Variants in PDSS2 observed in about 807,000 individuals in gnomAD.
PDSS2 encodes the protein decaprenyl diphosphate synthase subunit 2.
Under a neutral mutation model 44.5 loss-of-function variants are expected in PDSS2, and 31 were observed. The observed-to-expected ratio is 0.70, with a 90% CI of 0.52 to 0.94. The LOEUF is 0.94. Among genes scored for constraint, PDSS2 ranks in the 40% least tolerant of loss-of-function variants. The pLI is 0.00. For synonymous variants in PDSS2, 157 were observed against 180.3 expected (o/e 0.87, Z 1.03); for missense variants, 452 against 482.2 (o/e 0.94, Z 0.59).
intron 2 of PDSS2, among the ~76,000 whole-genome samples, chr6:107,319,054 CTCAG>C (rs1482589803): frequency 5.9e-5 from 9 of 151,800 alleles, no homozygotes; most frequent in South Asian, 4.2e-4. Flanking sequence ...TACACACACA[CTCAG>C]TATCTGATTA....
chr6:107,209,092 G>A (rs1447723604), intron 6 of PDSS2, among the ~76,000 whole-genome samples: 2 of 151,756 alleles, frequency 1.3e-5, no homozygotes, highest in Admixed American at 6.6e-5. Flanking sequence ...TTATACCATG[G>A]ATTTAATATC....
At chr6:107,426,008 C>A in intron 1 of PDSS2, among the ~76,000 whole-genome samples, 1 of 151,778 alleles carries the variant, frequency 6.6e-6, no homozygotes, top group Non-Finnish European at 1.5e-5. Flanking sequence ...GAAATTCAAG[C>A]TGCAGAAATT....
chr6:107,295,259 C>T (rs2115038123), intron 2 of PDSS2, among the ~76,000 whole-genome samples: 1 of 152,286 alleles, frequency 6.6e-6, no homozygotes, highest in Non-Finnish European at 1.5e-5. Context: ...ATCTGTTATA[C>T]TGTGGACTCC....
At chr6:107,289,015 C>T (rs1776255089) in intron 2 of PDSS2, among the ~76,000 whole-genome samples, 1 of 150,498 alleles carries the variant, frequency 6.6e-6, no homozygotes, top group Non-Finnish European at 1.5e-5. Flanking sequence ...GATCCGCCCA[C>T]CTCGGCCTCC....
At chr6:107,185,409 A>C (rs1215393628) in intron 7 of PDSS2, among the ~76,000 whole-genome samples, 1 of 152,134 alleles carries the variant, frequency 6.6e-6, no homozygotes, top group East Asian at 1.9e-4. Flanking sequence ...AACTGGGAAA[A>C]AGTCTGTGTC....
At chr6:107,378,752 C>A (rs530676173) in intron 1 of PDSS2, among the ~76,000 whole-genome samples, 1 of 152,316 alleles carries the variant, frequency 6.6e-6, no homozygotes, top group South Asian at 2.1e-4. Context: ...CACCACCGCA[C>A]TCCAGCCTGG....
In PDSS2 at chr6:107,239,634, C is replaced by CTTTTTT. The variant is rs1177940710; in HGVS notation, c.702+5908_702+5913dup. The stretch of plus-strand genomic sequence containing the variant: ...ATTATTTAATAAACATGTACTCTAC[C>CTTTTTT]TTTTTTTTTTTTTTTTTTTTTTTTT... On this transcript the variant is annotated intron_variant, in intron 4 of 7. Coordinates refer to ENST00000369037, the MANE Select transcript of PDSS2 (RefSeq NM_020381.4). Among the ~76,000 whole-genome samples, 44 of 76,932 alleles carry CTTTTTT rather than the reference C, an allele frequency of 5.7e-4. 1 individual carries two copies. Among genetic ancestry groups the CTTTTTT allele is most frequent in the Non-Finnish European group, 6.9e-4 (30 of 43,240 alleles). 50.5% of individuals were successfully genotyped at this position (76,932 alleles called of 152,430 possible).
chr6:107,428,494 G>C (rs766870546), intron 1 of PDSS2, among the ~76,000 whole-genome samples: 3 of 152,132 alleles, frequency 2.0e-5, no homozygotes, highest in Non-Finnish European at 4.4e-5. Context: ...CTTATTGAAG[G>C]CTTTCTGTAT....
chr6:107,309,255 G>A (rs972835552), intron 2 of PDSS2, among the ~76,000 whole-genome samples: 4 of 152,146 alleles, frequency 2.6e-5, no homozygotes, highest in South Asian at 2.1e-4. Context: ...TGAGCACAAT[G>A]CCCTGCTGTG....
intron 7 of PDSS2, among the ~76,000 whole-genome samples, chr6:107,191,134 G>A (rs1191901596): frequency 6.6e-6 from 1 of 152,042 alleles, no homozygotes; most frequent in South Asian, 2.1e-4. Flanking sequence ...TTCGTGATCC[G>A]CCCGCCTCCA....
chr6:107,424,143 G>A (rs1398966101), intron 1 of PDSS2, among the ~76,000 whole-genome samples: 1 of 145,350 alleles, frequency 6.9e-6, no homozygotes, highest in Non-Finnish European at 1.5e-5. Flanking sequence ...CTGGGCCCAA[G>A]TGATCCTCCC....
chr6:107,366,352 T>C (rs1778959798), intron 1 of PDSS2, among the ~76,000 whole-genome samples: 1 of 151,838 alleles, frequency 6.6e-6, no homozygotes, highest in Non-Finnish European at 1.5e-5. Flanking sequence ...AAAGACAACA[T>C]ATCAAAATTT....
chr6:107,429,899 AAAATAT>A (rs1191271548), intron 1 of PDSS2, among the ~76,000 whole-genome samples: 2 of 41,418 alleles, frequency 4.8e-5, no homozygotes, highest in Non-Finnish European at 1.0e-4. Context: ...AAAAAAAAAA[AAAATAT>A]ATATATATAT....
intron 1 of PDSS2, among the ~76,000 whole-genome samples, chr6:107,363,522 G>A (rs553919878): frequency 2.0e-5 from 3 of 152,188 alleles, no homozygotes; most frequent in South Asian, 2.1e-4. Context: ...TCGTGGTCTC[G>A]CTGGCTTCAG....
intron 2 of PDSS2, among the ~76,000 whole-genome samples, chr6:107,320,094 A>G (rs1777334925): frequency 6.6e-6 from 1 of 152,220 alleles, no homozygotes; most frequent in Non-Finnish European, 1.5e-5. Context: ...GCATGGCATA[A>G]TAAGCTGTAA....
chr6:107,368,814 T>A (rs931008968), intron 1 of PDSS2, among the ~76,000 whole-genome samples: 4 of 152,102 alleles, frequency 2.6e-5, no homozygotes, highest in Non-Finnish European at 5.9e-5. Context: ...AAGAAATTGA[T>A]AAGGTGATTA....
intron 1 of PDSS2, among the ~76,000 whole-genome samples, chr6:107,341,866 A>C (rs1778091132): frequency 6.6e-6 from 1 of 152,214 alleles, no homozygotes; most frequent in Non-Finnish European, 1.5e-5. Flanking sequence ...AATGCCAGGC[A>C]TCTGCTGTTT....
intron 6 of PDSS2, among the ~76,000 whole-genome samples, chr6:107,199,518 TC>T (rs1772695826): frequency 6.6e-6 from 1 of 152,226 alleles, no homozygotes; most frequent in South Asian, 2.1e-4. Context: ...CAGGCTGGTC[TC>T]GAACTCCTGG....
chr6:107,380,243 T>C lies in PDSS2; in HGVS notation c.297-45911A>G, dbSNP rs1466295074. On this transcript the variant is annotated intron_variant, in intron 1 of 7. Transcript: ENST00000369037. ...CTCTCAGCTGTCATCTACTCTTAATTTACTGGAGCTCTGTTGACGTGGTAG... is the reference window on the plus strand; with the variant it reads ...CTCTCAGCTGTCATCTACTCTTAATCTACTGGAGCTCTGTTGACGTGGTAG... 2.6e-5 allele frequency among the ~76,000 whole-genome samples: 4 copies of C among 152,292 alleles called. No individual in the cohort carries two copies. In the South Asian group the frequency reaches 8.3e-4, roughly 32 times the overall value.
Sources: allele counts gnomAD v4.1 joint callset (sites outside exome capture counted in the v4.1 genomes callset), GRCh38; gene constraint gnomAD v4.1.1; transcripts MANE v1.5; gene names NCBI Gene and HGNC (gene_info 2026-07-23, HGNC 2026-07-21).